Variants in PTPRJ observed in about 807,000 individuals in gnomAD.
PTPRJ encodes receptor-type tyrosine-protein phosphatase eta.
In PTPRJ, 129 loss-of-function variants were observed where a neutral mutation model predicts 141.3. The observed-to-expected ratio is 0.91, with a 90% confidence interval of 0.79 to 1.06. The LOEUF is 1.06. Ranked by LOEUF, PTPRJ falls within the 50% of genes least tolerant of loss-of-function variation. The probability of loss-of-function intolerance (pLI) is 0.00; values close to 1 mark genes in which losing one functional copy is unlikely to be tolerated. For synonymous variants in PTPRJ, 610 were observed against 640.5 expected (o/e 0.95, Z 0.72); for missense variants, 1,601 against 1,679.7 (o/e 0.95, Z 0.82).
intron 15 of PTPRJ, among the ~76,000 whole-genome samples, chr11:48,148,092 G>A (rs924925457): frequency 1.1e-4 from 16 of 152,250 alleles, no homozygotes; most frequent in African/African-American, 3.9e-4. Context: ...GGATCTGCCC[G>A]CCTCAGCCTC....
chr11:48,100,917 C>T (rs1350628981), intron 1 of PTPRJ, among the ~76,000 whole-genome samples: 5 of 150,924 alleles, frequency 3.3e-5, no homozygotes, highest in African/African-American at 7.3e-5. Flanking sequence ...ATCAAATAGA[C>T]TTCCAAGTGC....
rs756647149 is a variant in PTPRJ at position 48,139,647 on chromosome 11, A to G, written c.2314A>G (p.Asn772Asp). 1 of 1,614,208 alleles carries G rather than the reference A, an allele frequency of 6.2e-7. No homozygotes were observed. Among genetic ancestry groups the G allele is most frequent in the South Asian group, 1.1e-5 (1 of 91,084 alleles). ...ATHLESCSSE[N>D]GTEYRTEVTY... ...CCACCTGGAGAGCTGCTCCTCTGAG[A>G]ATGGCACTGAGTATAGAACGGAAGT... The change falls in exon 11 of 25, where the codon AAT becomes GAT. Residue 772 changes from asparagine to aspartate, a missense_variant. Asn to Asp is a conservative substitution (Grantham distance 23). Transcript: ENST00000418331.
chr11:47,999,259 T>C (rs1854427325), intron 1 of PTPRJ, among the ~76,000 whole-genome samples: 1 of 152,222 alleles, frequency 6.6e-6, no homozygotes, highest in African/African-American at 2.4e-5. Context: ...TTGCTGTCTT[T>C]GGCTGCAGCT....
In PTPRJ at chr11:48,040,594, TTTC is replaced by T. The variant is rs961019771; in HGVS notation, c.96+59604_96+59606del. ...CACCTCTCCAGCTTCTCTTACTTTCTTTCTTCTTCTTCTTCTTCTTTTTTTTTT... is the reference window on the plus strand; with the variant it reads ...CACCTCTCCAGCTTCTCTTACTTTCTTTCTTCTTCTTCTTCTTTTTTTTTT... On this transcript the variant is annotated intron_variant, in intron 1 of 24. Coordinates refer to ENST00000418331, the MANE Select transcript of PTPRJ (RefSeq NM_002843.4). Among the ~76,000 whole-genome samples, 152 of 149,848 alleles carry T rather than the reference TTTC, an allele frequency of 1.0e-3. 2 individuals carry two copies. Among genetic ancestry groups the T allele is most frequent in the African/African-American group, 2.4e-3 (93 of 39,452 alleles).
chr11:48,147,628 C>A (rs1857382554), intron 15 of PTPRJ, among the ~76,000 whole-genome samples: 1 of 152,196 alleles, frequency 6.6e-6, no homozygotes, highest in Non-Finnish European at 1.5e-5. Flanking sequence ...GGAAATAGAA[C>A]TTGAACCTGG....
chr11:48,106,042 C>T (rs986075843), intron 1 of PTPRJ, among the ~76,000 whole-genome samples: 2 of 152,172 alleles, frequency 1.3e-5, no homozygotes, highest in Non-Finnish European at 2.9e-5. Context: ...GTGTCATCTG[C>T]TCCAGCTAGG....
At chr11:48,036,573 A>T (rs922466777) in intron 1 of PTPRJ, among the ~76,000 whole-genome samples, 8 of 152,148 alleles carry the variant, frequency 5.3e-5, no homozygotes, top group Non-Finnish European at 7.3e-5. Flanking sequence ...ATATCTACAT[A>T]TTATTACTCC....
At chr11:48,059,935 C>A (rs910796409) in intron 1 of PTPRJ, among the ~76,000 whole-genome samples, 1 of 152,206 alleles carries the variant, frequency 6.6e-6, no homozygotes, top group African/African-American at 2.4e-5. Context: ...ATTAAGGAAT[C>A]ATCATAACCT....
At chr11:48,159,123 G>GGGTGTGTGTGTCTC (rs1555058316) in intron 21 of PTPRJ, among the ~76,000 whole-genome samples, 4 of 139,564 alleles carry the variant, frequency 2.9e-5, no homozygotes, top group South Asian at 2.3e-4. Flanking sequence ...TGTATGTGGG[G>GGGTGTGTGTGTCTC]TGTGTGTGTG....
Position 48,167,561 on chromosome 11 carries a change from C to A in PTPRJ, c.*199C>A. The A allele has an allele frequency of 2.1e-6, 1 of 480,044 alleles. No individual in the cohort carries two copies. The highest frequency in any genetic ancestry group is 5.2e-5 in the South Asian group (1 of 19,408). 29.7% of individuals were successfully genotyped at this position (480,044 alleles called of 1,614,324 possible). A position where few individuals can be genotyped will look rare whatever the true frequency, so the allele number is the denominator to read the frequency against. The stretch of plus-strand genomic sequence containing the variant: ...TCGGGGGCTGTGGATGGGTGGGGAG[C>A]AAATCATCTGCATTCCTGATGACCA... On this transcript the variant is annotated 3_prime_UTR_variant, in exon 25 of 25. Transcript: ENST00000418331.
chr11:48,005,595 A>T (rs2134194598), intron 1 of PTPRJ, among the ~76,000 whole-genome samples: 1 of 152,220 alleles, frequency 6.6e-6, no homozygotes, highest in East Asian at 1.9e-4. Context: ...TTATCCTTTT[A>T]TGAGCTGATG....
At chr11:48,083,790 T>C (rs1855626779) in intron 1 of PTPRJ, among the ~76,000 whole-genome samples, 1 of 152,262 alleles carries the variant, frequency 6.6e-6, no homozygotes, top group Admixed American at 6.5e-5. Flanking sequence ...GGGTGGGAAG[T>C]TCTTGGACCT....
intron 1 of PTPRJ, among the ~76,000 whole-genome samples, chr11:48,065,031 T>G (rs1855048910): frequency 1.4e-5 from 2 of 142,246 alleles, no homozygotes; most frequent in Admixed American, 1.4e-4. Context: ...TTTTTTTTTT[T>G]GAGACAGAGC....
intron 1 of PTPRJ, among the ~76,000 whole-genome samples, chr11:48,019,562 T>C (rs1239095940): frequency 6.6e-6 from 1 of 152,230 alleles, no homozygotes; most frequent in African/African-American, 2.4e-5. Context: ...GCCAGGGTAC[T>C]GTGTTAACTG....
At chr11:48,083,682 G>GT (rs1434909743) in intron 1 of PTPRJ, among the ~76,000 whole-genome samples, 1 of 152,202 alleles carries the variant, frequency 6.6e-6, no homozygotes, top group African/African-American at 2.4e-5. Context: ...TCAGGACATT[G>GT]TTTTGTTCAC....
intron 1 of PTPRJ, among the ~76,000 whole-genome samples, chr11:48,101,762 C>T (rs921471726): frequency 4.6e-5 from 7 of 152,132 alleles, no homozygotes; most frequent in African/African-American, 1.2e-4. Context: ...GGTGGACGAG[C>T]GGCGCAGGAG....
At chr11:48,163,969 C>T (rs573651282) in intron 23 of PTPRJ, among the ~76,000 whole-genome samples, 2 of 152,300 alleles carry the variant, frequency 1.3e-5, no homozygotes, top group East Asian at 3.9e-4. Flanking sequence ...TGGCCCTTTA[C>T]TGAAAAAGTT....
intron 1 of PTPRJ, chr11:48,096,947 T>G (rs1014375234): frequency 1.3e-5 from 2 of 154,940 alleles, no homozygotes; most frequent in Admixed American, 1.3e-4. Context: ...TTGGCTTGAG[T>G]GCTCTTCTGG....
At position 48,022,418 on chromosome 11, in the gene PTPRJ, C is replaced by T. The variant is rs1050417484; in HGVS notation, c.96+41410C>T. ...GGCAGAGGTTGCAGCGAGCCGAGAT[C>T]GTGCCATTGCATTCCAGCCTGAGTA... On this transcript the variant is annotated intron_variant, in intron 1 of 24. Coordinates refer to ENST00000418331, the MANE Select transcript of PTPRJ (RefSeq NM_002843.4). Among the ~76,000 whole-genome samples, 4 of 151,442 alleles carry T rather than the reference C, an allele frequency of 2.6e-5. 1 individual carries two copies. The highest frequency in any genetic ancestry group is 2.6e-4 in the Admixed American group (4 of 15,176).
Sources: allele counts gnomAD v4.1 joint callset (sites outside exome capture counted in the v4.1 genomes callset), GRCh38; gene constraint gnomAD v4.1.1; transcripts MANE v1.5; gene names NCBI Gene and HGNC (gene_info 2026-07-23, HGNC 2026-07-21).